Variants in TMEM164 observed in about 807,000 individuals in gnomAD.
TMEM164 encodes the protein transmembrane protein 164.
TMEM164 carries 4 observed loss-of-function variants against 18.8 expected under a neutral mutation model. The ratio of observed to expected loss-of-function variants is 0.21; its 90% CI spans 0.10 to 0.49. TMEM164 has a LOEUF of 0.49. TMEM164 is among the 20% of genes least tolerant of loss of function. The probability of loss-of-function intolerance (pLI) is 0.98; values close to 1 mark genes in which losing one functional copy is unlikely to be tolerated. For missense variants in TMEM164, 108 were observed against 239.9 expected (o/e 0.45, Z 3.63); for synonymous variants, 86 against 101.7 (o/e 0.85, Z 0.93).
intron 6 of TMEM164, 67 bp downstream of exon 6, chrX:110,171,587 G>C (rs1348532040): frequency 3.0e-5 from 27 of 905,003 alleles, no homozygotes; most frequent in Non-Finnish European, 4.0e-5. Context: ...GGTAATCCTG[G>C]TTGGTGCTGA....
chrX:110,091,319 C>CA (rs1204157156), intron 3 of TMEM164, among the ~76,000 whole-genome samples: 2 of 112,247 alleles, frequency 1.8e-5, no homozygotes, highest in Non-Finnish European at 3.8e-5. Context: ...TTTACAGTCC[C>CA]AACAACAGTG....
chrX:110,123,764 G>A (rs1389340300), intron 4 of TMEM164, among the ~76,000 whole-genome samples: 1 of 111,979 alleles, frequency 8.9e-6, no homozygotes, highest in Non-Finnish European at 1.9e-5. Flanking sequence ...GATCACTTGA[G>A]CCGAAGTGTT....
intron 2 of TMEM164, among the ~76,000 whole-genome samples, chrX:110,030,108 GTTTTTTTTTTTTT>G (rs34803907): frequency 2.6e-4 from 7 of 26,966 alleles, no homozygotes; most frequent in Admixed American, 7.2e-4. Context: ...TTCTCTGTCT[GTTTTTTTTTTTTT>G]TTTTTTTTTT....
intron 2 of TMEM164, among the ~76,000 whole-genome samples, chrX:110,009,448 TTTTG>T (rs1366347074): frequency 4.5e-5 from 5 of 111,287 alleles, no homozygotes; most frequent in South Asian, 7.5e-4. Context: ...GATCATTTTT[TTTTG>T]TTTGTTTGTT....
At chrX:110,124,211 G>A (rs1312073088) in intron 4 of TMEM164, among the ~76,000 whole-genome samples, 1 of 110,618 alleles carries the variant, frequency 9.0e-6, no homozygotes, top group Non-Finnish European at 1.9e-5. Context: ...AGGCAGGCAG[G>A]AAGGCAGGAA....
intron 2 of TMEM164, among the ~76,000 whole-genome samples, chrX:110,016,685 C>T (rs1342348207): frequency 9.2e-6 from 1 of 109,169 alleles, no homozygotes; most frequent in African/African-American, 3.3e-5. Context: ...GAAACAACGT[C>T]TTGCTCTGTT....
intron 2 of TMEM164, among the ~76,000 whole-genome samples, chrX:110,044,177 C>T (rs1396638225): frequency 1.8e-5 from 2 of 112,554 alleles, no homozygotes; most frequent in Non-Finnish European, 3.8e-5. Context: ...TACAGGAAAA[C>T]TCAAACTAAG....
intron 2 of TMEM164, among the ~76,000 whole-genome samples, chrX:110,062,177 C>T (rs1039503966): frequency 8.9e-6 from 1 of 111,982 alleles, no homozygotes; most frequent in Non-Finnish European, 1.9e-5. Context: ...CAATAAATTT[C>T]AGTCTATATT....
intron 4 of TMEM164, among the ~76,000 whole-genome samples, chrX:110,117,754 T>G (rs1008692089): frequency 1.3e-3 from 143 of 112,171 alleles, no homozygotes; most frequent in African/African-American, 4.5e-3. Context: ...TTTACCAGCT[T>G]TTAGTCCTGT....
chrX:110,051,864 C>A (rs980726528), intron 2 of TMEM164, among the ~76,000 whole-genome samples: 1 of 111,547 alleles, frequency 9.0e-6, no homozygotes, highest in Non-Finnish European at 1.9e-5. Context: ...AGTGAAATTG[C>A]CTTTTAATAG....
At chrX:110,100,264 G>A (rs1191883846) in intron 3 of TMEM164, among the ~76,000 whole-genome samples, 1 of 110,476 alleles carries the variant, frequency 9.1e-6, no homozygotes, top group Non-Finnish European at 1.9e-5. Context: ...TTGTCGGGGG[G>A]AGCATTTAGT....
chrX:110,052,785 C>T (rs371617940), intron 2 of TMEM164, among the ~76,000 whole-genome samples: 7 of 83,238 alleles, frequency 8.4e-5, no homozygotes, highest in African/African-American at 3.2e-4. Context: ...GAGTCTTGCT[C>T]TGTCGCATAG....
intron 5 of TMEM164, among the ~76,000 whole-genome samples, chrX:110,154,841 A>G (rs2066994433): frequency 9.0e-6 from 1 of 111,689 alleles, no homozygotes; most frequent in Non-Finnish European, 1.9e-5. Context: ...CCCACTTGCT[A>G]GTTAGTTCTG....
At chrX:110,086,732 A>C (rs1013714556) in intron 3 of TMEM164, among the ~76,000 whole-genome samples, 1 of 109,820 alleles carries the variant, frequency 9.1e-6, no homozygotes, top group Non-Finnish European at 1.9e-5. Flanking sequence ...AAACAGAAAA[A>C]CCATATTTTG....
At chrX:110,004,221 C>G in intron 2 of TMEM164, 57 bp downstream of exon 2, 1 of 1,129,986 alleles carries the variant, frequency 8.8e-7, no homozygotes, top group Non-Finnish European at 1.2e-6. Flanking sequence ...TTTATGTGCT[C>G]AGGACACTCC....
At chrX:110,105,151 CCCTT>C (rs913270959) in intron 3 of TMEM164, among the ~76,000 whole-genome samples, 11 of 86,822 alleles carry the variant, frequency 1.3e-4, no homozygotes, top group African/African-American at 1.8e-4. Context: ...CTTCCTCTCT[CCCTT>C]CCTTCCTTCC....
At chrX:110,114,648 C>T (rs2066335808) in intron 4 of TMEM164, among the ~76,000 whole-genome samples, 1 of 111,511 alleles carries the variant, frequency 9.0e-6, no homozygotes, top group South Asian at 3.8e-4. Flanking sequence ...CACCCTCTAA[C>T]CCCCATGAGA....
chrX:110,181,494 G>A (rs150392677), downstream of TMEM164, among the ~76,000 whole-genome samples: 522 of 112,372 alleles, frequency 4.6e-3, no homozygotes, highest in Middle Eastern at 0.037. Flanking sequence ...ATTCTGTTTT[G>A]TATATTGAGG....
At chrX:110,166,572 G>A (rs1421675572) in intron 5 of TMEM164, among the ~76,000 whole-genome samples, 1 of 111,740 alleles carries the variant, frequency 8.9e-6, no homozygotes, top group African/African-American at 3.3e-5. Flanking sequence ...TGAGAAAAGG[G>A]GCCCCTGGGA....
Sources: gnomAD v4.1 joint callset for allele counts (sites outside exome capture counted in the v4.1 genomes callset) on GRCh38, gnomAD v4.1.1 for gene constraint, MANE v1.5 for transcripts, NCBI Gene and HGNC (gene_info 2026-07-23, HGNC 2026-07-21) for gene names.